Variants in PDE3A observed in about 807,000 individuals in gnomAD.
The protein encoded by PDE3A is phosphodiesterase 3A.
PDE3A carries 43 observed loss-of-function variants against 98.3 expected under a neutral mutation model. That is an observed-to-expected ratio of 0.44 (90% CI 0.34 to 0.56). The LOEUF (loss-of-function observed/expected upper bound fraction) is 0.56. Ranked by LOEUF, PDE3A falls within the 20% of genes least tolerant of loss-of-function variation. The pLI is 0.01. For synonymous variants in PDE3A, 663 were observed against 567.9 expected, an observed-to-expected ratio of 1.17 and a Z score of -2.38; for missense variants, 1,427 against 1,440.7, an observed-to-expected ratio of 0.99 and a Z score of 0.15.
chr12:20,398,773 G>C (rs1944067645), intron 1 of PDE3A, among the ~76,000 whole-genome samples: 1 of 152,124 alleles, frequency 6.6e-6, no homozygotes, highest in African/African-American at 2.4e-5. Flanking sequence ...ATTTTAAGAA[G>C]TCTCAGTGCT....
intron 1 of PDE3A, among the ~76,000 whole-genome samples, chr12:20,389,941 AG>A (rs1172139571): frequency 6.6e-6 from 1 of 151,590 alleles, no homozygotes; most frequent in East Asian, 2.0e-4. Context: ...TATCTAAAAT[AG>A]AAAAAAAAAA....
chr12:20,505,625 A>G (rs967784326), intron 1 of PDE3A, among the ~76,000 whole-genome samples: 2 of 152,128 alleles, frequency 1.3e-5, no homozygotes, highest in African/African-American at 4.8e-5. Context: ...CTGGTAAATT[A>G]GACAAAGCAG....
At chr12:20,494,931 C>G (rs1170724710) in intron 1 of PDE3A, among the ~76,000 whole-genome samples, 3 of 151,180 alleles carry the variant, frequency 2.0e-5, no homozygotes, top group Admixed American at 1.3e-4. Flanking sequence ...TGATGGCAGT[C>G]TGTTCTAAAT....
At chr12:20,577,309 TG>T (rs1017911666) in intron 2 of PDE3A, among the ~76,000 whole-genome samples, 14 of 152,080 alleles carry the variant, frequency 9.2e-5, no homozygotes, top group African/African-American at 3.1e-4. Context: ...TGAAATATGA[TG>T]AAATGGTGGG....
chr12:20,553,814 G>GAC (rs1416144853), intron 1 of PDE3A, among the ~76,000 whole-genome samples: 1 of 152,072 alleles, frequency 6.6e-6, no homozygotes, highest in Non-Finnish European at 1.5e-5. Context: ...TTCTAAAGAC[G>GAC]ACAGTCTTTG....
In PDE3A at chr12:20,524,247, C is replaced by T. The variant is rs532756631; in HGVS notation, c.961-32413C>T. ...CAGTGACAAGTTTTCGTAGCAGTTG[C>T]GGCTGCATTTAGCTCTTCACATCCT... On this transcript the variant is annotated intron_variant, in intron 1 of 15. Coordinates refer to ENST00000359062, the MANE Select transcript of PDE3A (RefSeq NM_000921.5). 9.9e-5 allele frequency among the ~76,000 whole-genome samples: 15 copies of T among 152,284 alleles called. No homozygotes were observed. The South Asian group carries it at 3.1e-3, about 32-fold the overall frequency.
At chr12:20,503,857 G>C (rs1946067202) in intron 1 of PDE3A, among the ~76,000 whole-genome samples, 1 of 151,980 alleles carries the variant, frequency 6.6e-6, no homozygotes, top group Non-Finnish European at 1.5e-5. Flanking sequence ...AAATGTAACA[G>C]AATCTGTAAT....
rs930603327 is a variant in PDE3A at position 20,626,920 on chromosome 12, G to A, written c.1541-2988G>A. 6.6e-5 allele frequency among the ~76,000 whole-genome samples: 10 copies of A among 152,226 alleles called. No homozygotes were observed. In the Middle Eastern group the frequency reaches 0.02, roughly 311 times the overall value. On this transcript the variant is annotated intron_variant, in intron 5 of 15. Coordinates refer to ENST00000359062, the MANE Select transcript of PDE3A (RefSeq NM_000921.5). ...AAATTTGATGTCTTAAAATCTGCTTGTTTGTTTAAATTTAGTTAATCCGTG... is the reference window on the plus strand; with the variant it reads ...AAATTTGATGTCTTAAAATCTGCTTATTTGTTTAAATTTAGTTAATCCGTG...
At chr12:20,432,347 GGT>G (rs1193690331) in intron 1 of PDE3A, among the ~76,000 whole-genome samples, 2 of 152,100 alleles carry the variant, frequency 1.3e-5, no homozygotes, top group Admixed American at 1.3e-4. Context: ...ATACAGTTTT[GGT>G]TATGCAAGAT....
At chr12:20,421,981 TATAAGA>T (rs1944520303) in intron 1 of PDE3A, among the ~76,000 whole-genome samples, 1 of 152,334 alleles carries the variant, frequency 6.6e-6, no homozygotes, top group South Asian at 2.1e-4. Flanking sequence ...AAATTTCCTC[TATAAGA>T]ATAATTGAAA....
chr12:20,387,734 A>G (rs1394490712), intron 1 of PDE3A, among the ~76,000 whole-genome samples: 2 of 152,204 alleles, frequency 1.3e-5, no homozygotes, highest in African/African-American at 4.8e-5. Context: ...TGCTAATTCT[A>G]CATTGTGGTT....
rs144210816 is a variant in PDE3A, at chr12:20,489,827, A to G, written c.961-66833A>G. Among the ~76,000 whole-genome samples the G allele has an allele frequency of 1.1e-3, 163 of 152,320 alleles. 1 individual carries two copies. The highest frequency in any genetic ancestry group is 3.8e-3 in the African/African-American group (157 of 41,574). On this transcript the variant is annotated intron_variant, in intron 1 of 15. Transcript: ENST00000359062. ...ATTGATTGTTAACATTTATGCCCCA[A>G]TAATGAATGACCTGAATTTTTCCCA...
At chr12:20,454,234 C>G (rs146088923) in intron 1 of PDE3A, among the ~76,000 whole-genome samples, 34 of 152,270 alleles carry the variant, frequency 2.2e-4, no homozygotes, top group African/African-American at 8.2e-4. Flanking sequence ...TTTCCTCTGC[C>G]TGGAATGTAC....
intron 15 of PDE3A, among the ~76,000 whole-genome samples, chr12:20,663,065 G>T (rs1012755700): frequency 6.6e-6 from 1 of 152,218 alleles, no homozygotes; most frequent in African/African-American, 2.4e-5. Context: ...CCAATGTACA[G>T]CTCAGGTTGT....
At chr12:20,599,222 C>T (rs1023970842) in intron 2 of PDE3A, among the ~76,000 whole-genome samples, 7 of 152,238 alleles carry the variant, frequency 4.6e-5, no homozygotes, top group Middle Eastern at 3.4e-3. Context: ...GCTCTGCCCC[C>T]CACTTACTCT....
At chr12:20,391,387 A>G (rs893586715) in intron 1 of PDE3A, among the ~76,000 whole-genome samples, 62 of 100,814 alleles carry the variant, frequency 6.1e-4, no homozygotes, top group African/African-American at 1.8e-3. Context: ...ATATATATAT[A>G]TACACACACA....
chr12:20,631,700 A>ATTT (rs58133440), intron 6 of PDE3A, among the ~76,000 whole-genome samples: 2,907 of 116,816 alleles, frequency 0.025, 54 homozygotes, highest in Middle Eastern at 0.05. Context: ...ATCATAGTGT[A>ATTT]TTTTTTTTTT....
intron 15 of PDE3A, among the ~76,000 whole-genome samples, chr12:20,666,320 GC>G (rs1945310976): frequency 6.6e-6 from 1 of 152,054 alleles, no homozygotes; most frequent in Non-Finnish European, 1.5e-5. Context: ...TTTAAAGTAT[GC>G]AATACATTAT....
chr12:20,416,029 A>G (rs982542718), intron 1 of PDE3A, among the ~76,000 whole-genome samples: 1 of 152,214 alleles, frequency 6.6e-6, no homozygotes, highest in Non-Finnish European at 1.5e-5. Flanking sequence ...GTTTTGGTAG[A>G]TCTAAAATGA....
Sources: allele counts gnomAD v4.1 joint callset (sites outside exome capture counted in the v4.1 genomes callset), GRCh38; gene constraint gnomAD v4.1.1; transcripts MANE v1.5; gene names NCBI Gene and HGNC (gene_info 2026-07-23, HGNC 2026-07-21).